SLFN12L: variants seen among roughly 807,000 people sequenced by gnomAD.
The protein encoded by SLFN12L is schlafen family member 12-like.
SLFN12L carries 34 observed loss-of-function variants against 34.8 expected under a neutral mutation model. The observed-to-expected ratio is 0.98, with a 90% confidence interval of 0.74 to 1.30. The LOEUF (loss-of-function observed/expected upper bound fraction) is 1.30, where lower values mean the gene tolerates loss of function less well. Ranked by LOEUF, SLFN12L falls within the 50% of genes most tolerant of loss-of-function variation. The pLI, the probability that SLFN12L is intolerant of heterozygous loss-of-function variation, is 0.00. For missense variants in SLFN12L, 703 were observed against 696.2 expected (o/e 1.01, Z -0.11); for synonymous variants, 259 against 247.5 (o/e 1.05, Z -0.44).
intron 2 of SLFN12L, among the ~76,000 whole-genome samples, chr17:35,486,114 C>T (rs1914570819): frequency 6.6e-6 from 1 of 152,158 alleles, no homozygotes; most frequent in South Asian, 2.1e-4. Flanking sequence ...TTTAATGATA[C>T]TGATTCTTCC....
intron 1 of SLFN12L, among the ~76,000 whole-genome samples, chr17:35,533,733 A>G (rs1367313084): frequency 6.6e-6 from 1 of 152,180 alleles, no homozygotes; most frequent in Non-Finnish European, 1.5e-5. Flanking sequence ...TCAGGTGTCC[A>G]GCTGTGCATT....
rs2142121282 is a variant in SLFN12L at position 35,472,888 on chromosome 17, T to C, written c.*2035A>G. On this transcript the variant is annotated 3_prime_UTR_variant, in exon 5 of 5. Coordinates refer to ENST00000628453, the MANE Select transcript of SLFN12L (RefSeq NM_001363830.2). ...TCACATCCCTTGTTAGCTGTATTTCTAGGTATTTTATTCTCTTTTTAGCGA... is the reference window on the plus strand; with the variant it reads ...TCACATCCCTTGTTAGCTGTATTTCCAGGTATTTTATTCTCTTTTTAGCGA... Among the ~76,000 whole-genome samples, 1 of 152,336 alleles carries C rather than the reference T, an allele frequency of 6.6e-6. No homozygotes were observed. Among genetic ancestry groups the C allele is most frequent in the Middle Eastern group, 3.4e-3 (1 of 294 alleles).
At chr17:35,511,584 T>TACACACACACAC (rs58683369) in intron 2 of SLFN12L, among the ~76,000 whole-genome samples, 8 of 148,314 alleles carry the variant, frequency 5.4e-5, no homozygotes, top group African/African-American at 1.8e-4. Context: ...CACACACACA[T>TACACACACACAC]ACACACACAC....
chr17:35,490,163 G>C, intron 2 of SLFN12L: 1 of 1,606,952 alleles, frequency 6.2e-7, no homozygotes, highest in Non-Finnish European at 8.5e-7. Context: ...CTCCAGCAGA[G>C]CCGGGCTGCT....
intron 2 of SLFN12L, among the ~76,000 whole-genome samples, chr17:35,494,280 T>A (rs1329336808): frequency 6.6e-6 from 1 of 152,174 alleles, no homozygotes; most frequent in Non-Finnish European, 1.5e-5. Context: ...AACAGATTTG[T>A]TACAGGGTGA....
intron 2 of SLFN12L, among the ~76,000 whole-genome samples, chr17:35,496,917 A>T (rs2142146403): frequency 6.6e-6 from 1 of 152,362 alleles, no homozygotes; most frequent in African/African-American, 2.4e-5. Context: ...CCCTAATGGT[A>T]CAAATGGAAT....
chr17:35,512,150 A>ATTTTTTT (rs34171279), intron 2 of SLFN12L, among the ~76,000 whole-genome samples: 1 of 69,152 alleles, frequency 1.4e-5, no homozygotes, highest in Non-Finnish European at 2.7e-5. Context: ...AAAAGAGCTG[A>ATTTTTTT]TTTTTTTTTT....
chr17:35,490,412 C>G (rs1434839182), intron 2 of SLFN12L: 2 of 1,233,750 alleles, frequency 1.6e-6, no homozygotes, highest in Non-Finnish European at 2.4e-6. Flanking sequence ...AACCAGTCAC[C>G]CGATGGGGTC....
chr17:35,498,813 C>A, intron 2 of SLFN12L: 1 of 849,714 alleles, frequency 1.2e-6, no homozygotes, highest in Non-Finnish European at 1.9e-6. Context: ...TCTTGATGTG[C>A]AGCCTGCCAA....
intron 1 of SLFN12L, among the ~76,000 whole-genome samples, chr17:35,530,016 G>A (rs1353748422): frequency 6.6e-6 from 1 of 151,274 alleles, no homozygotes; most frequent in Non-Finnish European, 1.5e-5. Flanking sequence ...AACCCATACT[G>A]AAAGAGAAAC....
Position 35,475,476 on chromosome 17 carries a change from T to C in SLFN12L, c.1286A>G (p.Glu429Gly). Reference sequence around the variant, plus strand: ...GGTTTTTGGAGCACAAGTTATCTTTTCTGATAGCCCTAGATGGGGAAATAA... The same window carrying C: ...GGTTTTTGGAGCACAAGTTATCTTTCCTGATAGCCCTAGATGGGGAAATAA... The part of the protein sequence containing the change: ...PLRYHLPGLS[E>G]KITCAPKTFC... Residue 429 changes from glutamate to glycine, a missense_variant, in exon 5 of 5, where the codon GAA (glutamate) becomes GGA (glycine). Physicochemically the swap from Glu to Gly is moderately conservative, Grantham distance 98. Transcript: ENST00000628453. The C allele has an allele frequency of 6.2e-7, 1 of 1,605,638 alleles. No individual in the cohort carries two copies. The highest frequency in any genetic ancestry group is 8.5e-7 in the Non-Finnish European group (1 of 1,176,478).
rs1276547288 is a variant in SLFN12L, at chr17:35,479,830, G to A, written c.452C>T (p.Ser151Leu). 2 of 1,608,512 alleles carry A rather than the reference G, an allele frequency of 1.2e-6. No homozygotes were observed. The highest frequency in any genetic ancestry group is 1.7e-6 in the Non-Finnish European group (2 of 1,176,864). ...NGNYFHIFVKSWSLETSGPQI... is the reference protein window; with the variant it reads ...NGNYFHIFVKLWSLETSGPQI... ...CGGACCAGAGGTTTCCAAGCTCCAT[G>A]ATTTCACAAAAATGTGAAAGTAGTT... Residue 151 changes from serine (S) to leucine (L), a missense_variant, in exon 3 of 5, where the codon TCA (serine) becomes TTA (leucine). By Grantham distance (145) the Ser-to-Leu change is moderately radical. Transcript: ENST00000628453.
At chr17:35,524,750 G>C (rs1364750242) in intron 1 of SLFN12L, among the ~76,000 whole-genome samples, 4 of 152,146 alleles carry the variant, frequency 2.6e-5, no homozygotes, top group African/African-American at 9.7e-5. Flanking sequence ...AAGATGGGGA[G>C]AAACCAGCTC....
chr17:35,500,728 CAAA>C (rs35924671), intron 2 of SLFN12L, among the ~76,000 whole-genome samples: 1 of 132,602 alleles, frequency 7.5e-6, no homozygotes, highest in Non-Finnish European at 1.7e-5. Flanking sequence ...GACTCTGTCT[CAAA>C]AAAAAAAAAA....
rs1218665833 is a variant in SLFN12L at position 35,522,792 on chromosome 17, C to T, written c.-428G>A. On this transcript the variant is annotated 5_prime_UTR_variant, in exon 2 of 5. It adds an upstream start codon to the 5' untranslated region. Transcript: ENST00000628453. ...GTTCTATGCTATCAGCAGAGCATCA[C>T]AGATGACTCCTGGCTTCTCCTGCAA... 2 of 1,552,838 alleles carry T rather than the reference C, an allele frequency of 1.3e-6. No homozygotes were observed. The highest frequency in any genetic ancestry group is 4.5e-5 in the East Asian group (2 of 44,628).
chr17:35,526,216 T>C (rs375265403), intron 1 of SLFN12L, among the ~76,000 whole-genome samples: 18 of 152,256 alleles, frequency 1.2e-4, no homozygotes, highest in African/African-American at 4.3e-4. Flanking sequence ...AGCAAATTCT[T>C]AGAGACCTAC....
chr17:35,504,408 C>T (rs920616260), intron 2 of SLFN12L, among the ~76,000 whole-genome samples: 11 of 152,150 alleles, frequency 7.2e-5, no homozygotes, highest in Non-Finnish European at 1.6e-4. Context: ...GGATCATAGA[C>T]GTTAAAGACT....
At chr17:35,490,358 G>C in intron 2 of SLFN12L, 2 of 1,339,776 alleles carry the variant, frequency 1.5e-6, no homozygotes, top group Non-Finnish European at 2.2e-6. Context: ...AACACGGTAC[G>C]ATAGTCTCTT....
At chr17:35,518,958 T>C (rs902629690) in intron 2 of SLFN12L, among the ~76,000 whole-genome samples, 3 of 152,132 alleles carry the variant, frequency 2.0e-5, no homozygotes, top group African/African-American at 7.2e-5. Flanking sequence ...CAAATGCCCA[T>C]CAATGATAGA....
Sources: gnomAD v4.1 joint callset for allele counts (sites outside exome capture counted in the v4.1 genomes callset) on GRCh38, gnomAD v4.1.1 for gene constraint, MANE v1.5 for transcripts, NCBI Gene and HGNC (gene_info 2026-07-23, HGNC 2026-07-21) for gene names.